DPP6: variants seen among roughly 807,000 people sequenced by gnomAD.
DPP6 encodes A-type potassium channel modulatory protein DPP6.
In DPP6, 69 loss-of-function variants were observed where a neutral mutation model predicts 122.6. That is an observed-to-expected ratio of 0.56 (90% CI 0.46 to 0.69). The LOEUF is 0.69. Ranked by LOEUF, DPP6 falls within the 30% of genes least tolerant of loss-of-function variation. The pLI is 0.00. For synonymous variants in DPP6, 418 were observed against 433.1 expected, an observed-to-expected ratio of 0.97 and a Z score of 0.43; for missense variants, 928 against 1,116.9, an observed-to-expected ratio of 0.83 and a Z score of 2.41.
chr7:154,812,521 G>T (rs906732569), intron 16 of DPP6, among the ~76,000 whole-genome samples: 8 of 152,146 alleles, frequency 5.3e-5, no homozygotes, highest in African/African-American at 1.9e-4. Flanking sequence ...CTGGGTCACA[G>T]ATGACCAGTT....
At chr7:154,888,402 T>C (rs1806339273) in intron 23 of DPP6, among the ~76,000 whole-genome samples, 1 of 152,286 alleles carries the variant, frequency 6.6e-6, no homozygotes, top group African/African-American at 2.4e-5. Context: ...GAGTGAGCTC[T>C]TGACTGAGGA....
intron 1 of DPP6, among the ~76,000 whole-genome samples, chr7:154,164,336 T>A (rs1424371112): frequency 1.3e-5 from 2 of 151,728 alleles, no homozygotes; most frequent in Non-Finnish European, 2.9e-5. Flanking sequence ...CCATGATTTT[T>A]CAAACAGTGC....
the DPP6 span, among the ~76,000 whole-genome samples, chr7:153,810,704 C>A: frequency 7.7e-6 from 1 of 129,066 alleles, no homozygotes; most frequent in Non-Finnish European, 1.7e-5. Context: ...CTCTCTCTCT[C>A]TCTCTCTCTC....
At chr7:154,578,866 C>T (rs1386500758) in intron 5 of DPP6, among the ~76,000 whole-genome samples, 1 of 152,142 alleles carries the variant, frequency 6.6e-6, no homozygotes, top group Non-Finnish European at 1.5e-5. Context: ...GGTTATTCTT[C>T]CAATGGCACT....
chr7:153,811,844 A>G, the DPP6 span, among the ~76,000 whole-genome samples: 2 of 152,114 alleles, frequency 1.3e-5, no homozygotes, highest in African/African-American at 4.8e-5. Flanking sequence ...TGAATTCTCA[A>G]ATTCCACAGA....
At position 154,563,488 on chromosome 7, in the gene DPP6, A is replaced by G. The variant is rs189833339; in HGVS notation, c.553-3354A>G. ...CGCCTGGGAAAGCAGGTAGAAGGCCACTGCAGTACCTCAGGAAAGAATGCA... is the reference window on the plus strand; with the variant it reads ...CGCCTGGGAAAGCAGGTAGAAGGCCGCTGCAGTACCTCAGGAAAGAATGCA... On this transcript the variant is annotated intron_variant, in intron 4 of 25. Transcript: ENST00000377770. 1.6e-3 allele frequency among the ~76,000 whole-genome samples: 243 copies of G among 152,366 alleles called. 1 individual carries two copies. The highest frequency in any genetic ancestry group is 5.7e-3 in the African/African-American group (235 of 41,590).
At chr7:154,129,681 C>T (rs1366436503) in intron 1 of DPP6, among the ~76,000 whole-genome samples, 3 of 152,120 alleles carry the variant, frequency 2.0e-5, no homozygotes, top group Non-Finnish European at 4.4e-5. Context: ...AGGTGGATCA[C>T]GAGGTCAGGA....
chr7:153,750,883 G>T, the DPP6 span, among the ~76,000 whole-genome samples: 2 of 152,200 alleles, frequency 1.3e-5, no homozygotes. Flanking sequence ...AAAATATTCA[G>T]TTCCTTTTCT....
chr7:154,532,166 T>C (rs148036910), intron 3 of DPP6, among the ~76,000 whole-genome samples: 1,821 of 152,268 alleles, frequency 0.012, 38 homozygotes, highest in African/African-American at 0.041. Flanking sequence ...CCAGTGGATT[T>C]AAATTTTAAA....
chr7:154,436,515 A>G (rs1360982120), intron 1 of DPP6, among the ~76,000 whole-genome samples: 2 of 152,106 alleles, frequency 1.3e-5, no homozygotes, highest in Admixed American at 1.3e-4. Flanking sequence ...CACCGCGTGC[A>G]AGTGTAGGGA....
chr7:153,845,642 C>T, the DPP6 span, among the ~76,000 whole-genome samples: 4 of 151,984 alleles, frequency 2.6e-5, no homozygotes, highest in Admixed American at 2.6e-4. Context: ...ATCTGTCATA[C>T]TAGGCTAAGT....
At chr7:154,722,803 G>T (rs548591100) in intron 7 of DPP6, among the ~76,000 whole-genome samples, 1 of 152,170 alleles carries the variant, frequency 6.6e-6, no homozygotes, top group African/African-American at 2.4e-5. Context: ...TGAGTGCTCT[G>T]CCAGCCATGC....
chr7:154,059,494 T>C (rs1344337088), intron 1 of DPP6: 1 of 151,156 alleles, frequency 6.6e-6, no homozygotes, highest in African/African-American at 2.5e-5. Context: ...GAAAGCAGGT[T>C]ATTTGCAATC....
Position 154,483,388 on chromosome 7 carries a change from A to AT in DPP6, c.457+8364dup, listed in dbSNP as rs5888575. On this transcript the variant is annotated intron_variant, in intron 3 of 25. Transcript: ENST00000377770. This position sits in a 1 kb window ranked among gnomAD's most constrained non-coding sequence, Gnocchi z 8.1. ...TAAAGGTAAACTGAGGCACAATACA[A>AT]TTTTTTTTTTTTTAAAAGCATTTAT... 0.2 allele frequency among the ~76,000 whole-genome samples: 29,685 copies of AT among 149,712 alleles called. 3,111 individuals carry two copies. Among genetic ancestry groups the AT allele is most frequent in the East Asian group, 0.27 (1,377 of 5,078 alleles).
At chr7:154,235,105 T>C (rs73726179) in intron 1 of DPP6, among the ~76,000 whole-genome samples, 2,924 of 152,332 alleles carry the variant, frequency 0.019, 98 homozygotes, top group African/African-American at 0.067. Context: ...CAGAATTGTG[T>C]AATCATCACC....
intron 1 of DPP6, among the ~76,000 whole-genome samples, chr7:153,914,108 G>C (rs1165936815): frequency 6.6e-6 from 1 of 152,072 alleles, no homozygotes; most frequent in African/African-American, 2.4e-5. Flanking sequence ...GGAGGTAATT[G>C]AATCATGGGG....
At chr7:154,558,108 C>G (rs1275396180) in intron 4 of DPP6, among the ~76,000 whole-genome samples, 6 of 151,880 alleles carry the variant, frequency 4.0e-5, no homozygotes, top group East Asian at 1.9e-4. Flanking sequence ...ACCCCTCCAC[C>G]CCCCCACAGG....
the DPP6 span, among the ~76,000 whole-genome samples, chr7:153,803,097 T>A: frequency 6.6e-6 from 1 of 151,768 alleles, no homozygotes; most frequent in Non-Finnish European, 1.5e-5. Context: ...AAGGCCCTGG[T>A]AACCAGCGTG....
chr7:154,640,056 A>G (rs1365759478), intron 6 of DPP6, among the ~76,000 whole-genome samples: 1 of 152,212 alleles, frequency 6.6e-6, no homozygotes. Flanking sequence ...GTTTGAGACC[A>G]GCCTAGCCAA....
Sources: gnomAD v4.1 joint callset for allele counts (sites outside exome capture counted in the v4.1 genomes callset) on GRCh38, gnomAD v4.1.1 for gene constraint, Gnocchi (gnomAD v3.1) non-coding constraint, MANE v1.5 for transcripts, NCBI Gene and HGNC (gene_info 2026-07-23, HGNC 2026-07-21) for gene names.